Variants in ACSL4 observed in about 807,000 individuals in gnomAD.
ACSL4 encodes long-chain-fatty-acid--CoA ligase 4.
Under a neutral mutation model 49.1 loss-of-function variants are expected in ACSL4, and 9 were observed. That is an observed-to-expected ratio of 0.18 (90% CI 0.11 to 0.32). ACSL4 has a LOEUF of 0.32. Among genes scored for constraint, ACSL4 ranks in the 10% least tolerant of loss-of-function variants. ACSL4 has a pLI of 1.00. For synonymous variants in ACSL4, 191 were observed against 170.3 expected, an observed-to-expected ratio of 1.12 and a Z score of -0.95; for missense variants, 333 against 493.7, an observed-to-expected ratio of 0.67 and a Z score of 3.08.
chrX:109,716,037 T>C (rs1009461244), intron 1 of ACSL4, among the ~76,000 whole-genome samples: 18 of 112,373 alleles, frequency 1.6e-4, no homozygotes, highest in African/African-American at 4.8e-4. Context: ...TAACAACCCT[T>C]TCCCTTCAAA....
intron 1 of ACSL4, among the ~76,000 whole-genome samples, chrX:109,709,934 C>T (rs1926634350): frequency 9.0e-6 from 1 of 111,008 alleles, no homozygotes; most frequent in Non-Finnish European, 1.9e-5. Flanking sequence ...GGAGAAAACC[C>T]GTCTCTACTA....
intron 2 of ACSL4, among the ~76,000 whole-genome samples, chrX:109,692,761 C>T (rs1256884111): frequency 2.7e-5 from 3 of 111,881 alleles, no homozygotes; most frequent in Non-Finnish European, 3.8e-5. Flanking sequence ...TTACTGGGTG[C>T]TTTTTCTCTG....
chrX:109,729,673 A>T (rs1928275815), intron 1 of ACSL4, among the ~76,000 whole-genome samples: 1 of 112,419 alleles, frequency 8.9e-6, no homozygotes, highest in Non-Finnish European at 1.9e-5. Context: ...TAAATAAATA[A>T]GTAAAACAAA....
At chrX:109,702,494 T>C (rs1421717269) in intron 1 of ACSL4, among the ~76,000 whole-genome samples, 1 of 112,374 alleles carries the variant, frequency 8.9e-6, no homozygotes, top group African/African-American at 3.2e-5. Context: ...AAGGGTATGA[T>C]CATTTTATAT....
At chrX:109,689,008 C>T (rs1924828793) in intron 2 of ACSL4, among the ~76,000 whole-genome samples, 1 of 111,166 alleles carries the variant, frequency 9.0e-6, no homozygotes, top group Admixed American at 9.6e-5. Flanking sequence ...AACAGATCCA[C>T]TTAGGTGTCA....
intron 9 of ACSL4, among the ~76,000 whole-genome samples, chrX:109,674,001 T>C (rs1247810833): frequency 8.9e-6 from 1 of 111,912 alleles, no homozygotes; most frequent in Non-Finnish European, 1.9e-5. Context: ...TGGGAGGGCT[T>C]AGATCCTTGA....
intron 2 of ACSL4, chrX:109,683,587 T>C (rs1184331032): frequency 1.1e-5 from 7 of 644,155 alleles, no homozygotes; most frequent in South Asian, 9.8e-5. Context: ...GCAGTAAGAA[T>C]AGCAGTACAG....
chrX:109,706,584 T>G (rs1262348530), intron 1 of ACSL4, among the ~76,000 whole-genome samples: 1 of 112,563 alleles, frequency 8.9e-6, no homozygotes. Flanking sequence ...AGAAACAGCT[T>G]GATTATCATG....
At chrX:109,726,538 G>T (rs1303492450) in intron 1 of ACSL4, among the ~76,000 whole-genome samples, 3 of 112,532 alleles carry the variant, frequency 2.7e-5, no homozygotes, top group Non-Finnish European at 5.6e-5. Flanking sequence ...GAGTACTGGA[G>T]ATCAACCAAC....
intron 1 of ACSL4, among the ~76,000 whole-genome samples, chrX:109,715,632 A>ATT (rs1414234763): frequency 9.1e-6 from 1 of 110,442 alleles, no homozygotes; most frequent in Non-Finnish European, 1.9e-5. Context: ...AAAAAATAAA[A>ATT]TTATATATAT....
intron 1 of ACSL4, among the ~76,000 whole-genome samples, chrX:109,725,659 G>A (rs1285745055): frequency 9.1e-6 from 1 of 110,368 alleles, no homozygotes; most frequent in African/African-American, 3.3e-5. Context: ...AGAATGGCGT[G>A]AACCCGGGAG....
intron 3 of ACSL4, 95 bp downstream of exon 3, chrX:109,683,041 T>C: frequency 1.1e-5 from 11 of 1,040,348 alleles, no homozygotes; most frequent in Middle Eastern, 5.1e-4. Context: ...AGCACTATAA[T>C]AGAATGCCAG....
intron 1 of ACSL4, among the ~76,000 whole-genome samples, chrX:109,723,725 T>C (rs993640908): frequency 1.8e-5 from 2 of 112,598 alleles, no homozygotes; most frequent in African/African-American, 6.4e-5. Context: ...ACATGTAATA[T>C]TTCCCTAGAA....
chrX:109,716,523 T>C (rs754703462), intron 1 of ACSL4, among the ~76,000 whole-genome samples: 1 of 112,278 alleles, frequency 8.9e-6, no homozygotes, highest in African/African-American at 3.2e-5. Flanking sequence ...AACATCTTGA[T>C]CAATTTCATC....
intron 4 of ACSL4, among the ~76,000 whole-genome samples, chrX:109,682,070 G>GA (rs1364046893): frequency 9.0e-6 from 1 of 111,730 alleles, no homozygotes; most frequent in Non-Finnish European, 1.9e-5. Context: ...GTTGAAAGTG[G>GA]GTAATGGGTA....
chrX:109,663,036 G>C (rs1922305229), intron 13 of ACSL4, among the ~76,000 whole-genome samples, 175 bp downstream of exon 13: 1 of 111,811 alleles, frequency 8.9e-6, no homozygotes, highest in Non-Finnish European at 1.9e-5. Context: ...ACAGCCCTAT[G>C]AGGTTGGTAT....
At position 109,674,468 on chromosome X, in the gene ACSL4, G is replaced by A; in HGVS notation, c.936C>T (p.Ser312=). ...CTCCTTTGCTTCCTTTTTTAATTTTGCTGGACTATATTAAAGAAAAAATAA... is the reference window on the plus strand; with the variant it reads ...CTCCTTTGCTTCCTTTTTTAATTTTACTGGACTATATTAAAGAAAAAATAA... ...SSPLTLSDQS[S]KIKKGSKGDC... The change falls in exon 9 of 16, where the codon AGC becomes AGT. Residue 312 remains serine (S), a synonymous_variant. Transcript: ENST00000672401. 1 of 1,189,008 alleles carries A rather than the reference G, an allele frequency of 8.4e-7. No homozygotes were observed. The highest frequency in any genetic ancestry group is 3.0e-5 in the East Asian group (1 of 33,689).
intron 1 of ACSL4, among the ~76,000 whole-genome samples, chrX:109,722,942 T>A (rs918585164): frequency 3.6e-5 from 4 of 112,158 alleles, no homozygotes; most frequent in African/African-American, 1.3e-4. Context: ...TGTCCATACA[T>A]ATAAGCACAA....
intron 9 of ACSL4, 66 bp downstream of exon 9, chrX:109,674,336 G>C: frequency 1.1e-6 from 1 of 925,351 alleles, no homozygotes; most frequent in Non-Finnish European, 1.6e-6. Flanking sequence ...TTTTTAAAAG[G>C]TCCAAGTACG....
Sources: gnomAD v4.1 joint callset for allele counts (sites outside exome capture counted in the v4.1 genomes callset) on GRCh38, gnomAD v4.1.1 for gene constraint, MANE v1.5 for transcripts, NCBI Gene and HGNC (gene_info 2026-07-23, HGNC 2026-07-21) for gene names.